CIZ1: variants seen among roughly 807,000 people sequenced by gnomAD.
CIZ1 encodes the protein CDKN1A interacting zinc finger protein 1, also known as cip1-interacting zinc finger protein.
Under a neutral mutation model 118.6 loss-of-function variants are expected in CIZ1, and 58 were observed. The observed-to-expected ratio is 0.49, with a 90% CI of 0.40 to 0.61. The LOEUF (loss-of-function observed/expected upper bound fraction) is 0.61. Ranked by LOEUF, CIZ1 falls within the 20% of genes least tolerant of loss-of-function variation. The pLI, the probability that CIZ1 is intolerant of heterozygous loss-of-function variation, is 0.00. For synonymous variants in CIZ1, 448 were observed against 443.4 expected, an observed-to-expected ratio of 1.01 and a Z score of -0.13; for missense variants, 921 against 1,115.9, an observed-to-expected ratio of 0.83 and a Z score of 2.49.
intron 1 of CIZ1, among the ~76,000 whole-genome samples, chr9:128,199,596 T>C (rs1016190510): frequency 9.2e-5 from 14 of 151,984 alleles, no homozygotes; most frequent in Non-Finnish European, 1.5e-4. Context: ...TTTCAGCTAT[T>C]TGGGTGGCTG....
At chr9:128,191,898 G>A, upstream of CIZ1, 2 of 1,443,920 alleles carry the variant, frequency 1.4e-6, no homozygotes, top group South Asian at 1.3e-5. This position sits in a 1 kb window ranked among gnomAD's most constrained non-coding sequence, Gnocchi z 5.5. Context: ...GGCCCCGCGC[G>A]GGGCTGCGGT....
At chr9:128,169,369 T>A in intron 13 of CIZ1, 37 bp downstream of exon 13, 1 of 1,562,484 alleles carries the variant, frequency 6.4e-7, no homozygotes, top group Non-Finnish European at 8.8e-7. Flanking sequence ...GCTCTGTACC[T>A]CTCTGGGCCC....
chr9:128,181,558 G>C (rs1831616148), intron 5 of CIZ1, among the ~76,000 whole-genome samples: 2 of 152,250 alleles, frequency 1.3e-5, no homozygotes, highest in Non-Finnish European at 2.9e-5. Context: ...GCCATACAGA[G>C]ATAGGAGCTG....
In CIZ1 at chr9:128,166,266, T is replaced by G. The variant is rs1233045871; in HGVS notation, c.2628A>C (p.Thr876=). Residue 876 remains threonine (T), a synonymous_variant, in exon 17 of 17, where the codon ACA becomes ACC. Transcript: ENST00000372938. The surrounding 1 kb of genome is among the most constrained non-coding windows in gnomAD (Gnocchi z 4.4). The part of the protein sequence containing the change: ...PPSQPNTQDK[T]PSKVTARPSQ... ...AGGGTCGAGCCGTCACCTTGCTGGG[T>G]GTTTTGTCCTGGGTGTTGGGCTGGG... 4 of 1,539,320 alleles carry G rather than the reference T, an allele frequency of 2.6e-6. No individual in the cohort carries two copies. The South Asian group carries it at 4.9e-5, about 19-fold the overall frequency.
intron 10 of CIZ1, among the ~76,000 whole-genome samples, chr9:128,176,970 T>C (rs916641897): frequency 1.3e-5 from 2 of 152,128 alleles, no homozygotes; most frequent in African/African-American, 4.8e-5. Flanking sequence ...AGTGGCATGA[T>C]CTTGGCTCAC....
At position 128,187,085 on chromosome 9, in the gene CIZ1, G is replaced by A. The variant is rs917981294; in HGVS notation, c.358+778C>T. Among the ~76,000 whole-genome samples the A allele has an allele frequency of 8.6e-5, 13 of 151,934 alleles. No homozygotes were observed. In the East Asian group the frequency reaches 1.7e-3, roughly 20 times the overall value. On this transcript the variant is annotated intron_variant, in intron 4 of 16. Transcript: ENST00000372938. ...CTCCCGACTAGCTGGGACTACAGAC[G>A]CCCGCCACCACACCTGGCTAATTTT...
chr9:128,182,139 A>G (rs1831737445), intron 5 of CIZ1, among the ~76,000 whole-genome samples: 1 of 152,052 alleles, frequency 6.6e-6, no homozygotes, highest in African/African-American at 2.4e-5. Context: ...ATTGGAGGTG[A>G]CTCACATTCT....
rs148927894 is a variant in CIZ1, at chr9:128,179,359, G to A, written c.848C>T (p.Pro283Leu). The A allele has an allele frequency of 5.8e-5, 94 of 1,613,850 alleles. 1 individual carries two copies. The highest frequency in any genetic ancestry group is 1.6e-4 in the Middle Eastern group (1 of 6,062). Reference protein sequence around the residue: ...PPGQLQVKAQPQARMTVPKQT... With the variant: ...PPGQLQVKAQLQARMTVPKQT... ...TTTCGGTACTGTCATCCGGGCCTGCGGCTGGGCCTTCACCTGTAACTGCCC... is the reference window on the plus strand; with the variant it reads ...TTTCGGTACTGTCATCCGGGCCTGCAGCTGGGCCTTCACCTGTAACTGCCC... The change falls in exon 8 of 17, where the codon CCG (proline) becomes CTG (leucine). Residue 283 changes from proline (P) to leucine (L), a missense_variant. Physicochemically the swap from Pro to Leu is moderately conservative, Grantham distance 98. Transcript: ENST00000372938.
chr9:128,189,824 CAAAAAAAAAAAAAAAAA>C (rs56177059), intron 3 of CIZ1, among the ~76,000 whole-genome samples: 13 of 42,276 alleles, frequency 3.1e-4, no homozygotes, highest in Admixed American at 2.4e-3. Flanking sequence ...AACTCTGTCT[CAAAAAAAAAAAAAAAAA>C]AAAAAAAAAA....
chr9:128,174,251 T>C (rs10987908), intron 11 of CIZ1, among the ~76,000 whole-genome samples: 86,971 of 152,050 alleles, frequency 0.57, 25,380 homozygotes, highest in Admixed American at 0.69. Context: ...CAGAACACCT[T>C]ATCCCTGGCC....
intron 5 of CIZ1, among the ~76,000 whole-genome samples, chr9:128,183,232 G>C (rs1831905916): frequency 6.6e-6 from 1 of 152,190 alleles, no homozygotes; most frequent in African/African-American, 2.4e-5. Flanking sequence ...AAACTACCTA[G>C]CTGTCACCCT....
chr9:128,199,537 CA>C (rs904323566), intron 1 of CIZ1, among the ~76,000 whole-genome samples: 9 of 150,762 alleles, frequency 6.0e-5, no homozygotes, highest in Admixed American at 2.0e-4. Flanking sequence ...CCCGTCTGTA[CA>C]AAAAAAAATT....
upstream of CIZ1, among the ~76,000 whole-genome samples, chr9:128,195,611 C>G (rs141142947): frequency 3.5e-3 from 526 of 152,188 alleles, 6 homozygotes; most frequent in African/African-American, 0.012. Flanking sequence ...AGCCTCCATG[C>G]CAGGCCTTCC....
Position 128,203,662 on chromosome 9 carries a change from C to T in CIZ1, c.-6+524G>A, listed in dbSNP as rs1300482394. 1 of 1,489,298 alleles carries T rather than the reference C, an allele frequency of 6.7e-7. No homozygotes were observed. Among genetic ancestry groups the T allele is most frequent in the Admixed American group, 2.3e-5 (1 of 43,618 alleles). 92.3% of individuals were successfully genotyped at this position (1,489,298 alleles called of 1,614,324 possible). ...CGCGGCGCGCCCCCAGGCGCCGACC[C>T]CCGACCCCCGGGATCCCTGGAGTCC... On this transcript the variant is annotated intron_variant, in intron 1 of 17. Transcript: ENST00000372948. The surrounding 1 kb of genome is among the most constrained non-coding windows in gnomAD (Gnocchi z 5.3).
At chr9:128,195,806 T>C (rs1180497845), upstream of CIZ1, among the ~76,000 whole-genome samples, 1 of 152,226 alleles carries the variant, frequency 6.6e-6, no homozygotes, top group African/African-American at 2.4e-5. Context: ...TATATATTTT[T>C]TTCAGATACT....
At position 128,191,002 on chromosome 9, in the gene CIZ1, A is replaced by C; in HGVS notation, c.-5-140T>G. 7.9e-7 allele frequency: 1 copy of C among 1,269,250 alleles called. No homozygotes were observed. The allele number at this position is 1,269,250 out of a possible 1,614,324, so 78.6% of individuals were successfully genotyped here. A position where few individuals can be genotyped will look rare whatever the true frequency, so the allele number is the denominator to read the frequency against. On this transcript the variant is annotated intron_variant, in intron 1 of 16. Transcript: ENST00000372938. This position sits in a 1 kb window ranked among gnomAD's most constrained non-coding sequence, Gnocchi z 5.5. ...CACAGCTGCATTCCCAGTCCTGCCA[A>C]GAGCCTGCCACACTCGCTTGGCCCA...
chr9:128,174,108 A>T (rs1437487915), intron 11 of CIZ1, among the ~76,000 whole-genome samples: 2 of 151,744 alleles, frequency 1.3e-5, no homozygotes, highest in Non-Finnish European at 2.9e-5. Flanking sequence ...GAGGGAGGAG[A>T]CGGGCACCCC....
chr9:128,190,532 C>T (rs1390203371), intron 2 of CIZ1, 88 bp from the exon 3 acceptor site: 16 of 1,352,654 alleles, frequency 1.2e-5, no homozygotes, highest in Admixed American at 3.9e-5. Context: ...TTCTCTGCCC[C>T]ACTCTGTGGT....
intron 1 of CIZ1, chr9:128,202,950 G>C (rs2131058102): frequency 6.6e-6 from 1 of 152,248 alleles, no homozygotes; most frequent in South Asian, 2.1e-4. Flanking sequence ...AGGACCAAAG[G>C]CAGAAGAGGA....
Sources: gnomAD v4.1 joint callset for allele counts (sites outside exome capture counted in the v4.1 genomes callset) on GRCh38, gnomAD v4.1.1 for gene constraint, Gnocchi (gnomAD v3.1) non-coding constraint, MANE v1.5 for transcripts, NCBI Gene and HGNC (gene_info 2026-07-23, HGNC 2026-07-21) for gene names.